Variants in CDIN1 observed in about 807,000 individuals in gnomAD.
CDIN1 encodes CDAN1-interacting nuclease 1.
A neutral mutation model predicts 45.3 loss-of-function variants in CDIN1; 33 were observed. The ratio of observed to expected loss-of-function variants is 0.73; its 90% confidence interval spans 0.55 to 0.97. The LOEUF (loss-of-function observed/expected upper bound fraction) is 0.97, where lower values mean the gene tolerates loss of function less well. Among genes scored for constraint, CDIN1 ranks in the 50% least tolerant of loss-of-function variants. CDIN1 has a pLI of 0.00. For missense variants in CDIN1, 303 were observed against 339.4 expected, an observed-to-expected ratio of 0.89 and a Z score of 0.84; for synonymous variants, 118 against 124.4, an observed-to-expected ratio of 0.95 and a Z score of 0.34.
intron 6 of CDIN1, 106 bp downstream of exon 6, chr15:36,691,870 G>A (rs528957506): frequency 1.1e-6 from 1 of 940,332 alleles, no homozygotes; most frequent in East Asian, 2.6e-5. Flanking sequence ...CTATCACTGA[G>A]GTCAGGGTGC....
At chr15:36,725,317 CT>C (rs34845224) in intron 10 of CDIN1, among the ~76,000 whole-genome samples, 6,458 of 139,870 alleles carry the variant, frequency 0.046, 446 homozygotes, top group African/African-American at 0.15. Context: ...TCTCTTGCCT[CT>C]TTTTTTTTTT....
chr15:36,780,491 T>C (rs781035071), intron 10 of CDIN1, among the ~76,000 whole-genome samples: 1 of 152,218 alleles, frequency 6.6e-6, no homozygotes, highest in Non-Finnish European at 1.5e-5. Context: ...CTTTATAGAC[T>C]ACCATATTTA....
intron 5 of CDIN1, among the ~76,000 whole-genome samples, chr15:36,658,960 T>C (rs1029444420): frequency 2.6e-5 from 4 of 152,234 alleles, no homozygotes; most frequent in African/African-American, 9.6e-5. Context: ...CCTGCAGTGA[T>C]GCTTCATGAG....
intron 10 of CDIN1, among the ~76,000 whole-genome samples, chr15:36,737,828 T>A (rs1305442546): frequency 6.6e-6 from 1 of 152,182 alleles, no homozygotes; most frequent in Non-Finnish European, 1.5e-5. Flanking sequence ...GTACATAGGG[T>A]GTCCTAGATT....
intron 10 of CDIN1, among the ~76,000 whole-genome samples, chr15:36,738,888 G>C (rs1356829136): frequency 6.6e-6 from 1 of 152,200 alleles, no homozygotes; most frequent in African/African-American, 2.4e-5. Flanking sequence ...AGTAATAAGA[G>C]CCTATTATGT....
Position 36,809,022 on chromosome 15 carries a change from A to G in CDIN1, c.*569A>G. The G allele has an allele frequency of 2.2e-6, 1 of 455,280 alleles. No individual in the cohort carries two copies. The highest frequency in any genetic ancestry group is 4.4e-6 in the Non-Finnish European group (1 of 226,386). 28.2% of individuals were successfully genotyped at this position (455,280 alleles called of 1,614,324 possible). A position where few individuals can be genotyped will look rare whatever the true frequency, so the allele number is the denominator to read the frequency against. On this transcript the variant is annotated 3_prime_UTR_variant, in exon 11 of 11. Transcript: ENST00000566621. ...CAGAGCTCCAGAAGACCTTGATGGC[A>G]GCCTGCCTATGCTGTGTGTTTGCTA...
chr15:36,728,949 CAGGCGTGA>C (rs1566935163), intron 10 of CDIN1, among the ~76,000 whole-genome samples: 2 of 152,180 alleles, frequency 1.3e-5, no homozygotes, highest in Non-Finnish European at 2.9e-5. Flanking sequence ...GCTCAGATAA[CAGGCGTGA>C]GCCACCACGC....
chr15:36,665,562 AGAG>A (rs1308882211), intron 5 of CDIN1, among the ~76,000 whole-genome samples: 2 of 152,340 alleles, frequency 1.3e-5, no homozygotes, highest in Non-Finnish European at 2.9e-5. Flanking sequence ...GGATAGAGAA[AGAG>A]GATGGTGAAA....
intron 3 of CDIN1, among the ~76,000 whole-genome samples, chr15:36,645,586 G>A (rs975768045): frequency 6.6e-6 from 1 of 150,650 alleles, no homozygotes; most frequent in Non-Finnish European, 1.5e-5. Flanking sequence ...TTGGCTACTT[G>A]AAACTTATTA....
chr15:36,608,985 A>T (rs536141852), intron 1 of CDIN1, among the ~76,000 whole-genome samples: 38 of 128,086 alleles, frequency 3.0e-4, no homozygotes, highest in African/African-American at 1.5e-3. Context: ...ATATAGATAG[A>T]TAGATAGATA....
At chr15:36,594,011 G>A (rs887167450) in intron 1 of CDIN1, among the ~76,000 whole-genome samples, 3 of 152,124 alleles carry the variant, frequency 2.0e-5, no homozygotes, top group Non-Finnish European at 4.4e-5. Context: ...TACTAATTAC[G>A]ATGTATTCTA....
At chr15:36,618,234 T>C (rs1023454118) in intron 1 of CDIN1, 1 of 675,678 alleles carries the variant, frequency 1.5e-6, no homozygotes. Flanking sequence ...GGTCATCCAG[T>C]GGTTCAGAAC....
At chr15:36,617,927 A>AATT in intron 1 of CDIN1, 1 of 762,440 alleles carries the variant, frequency 1.3e-6, no homozygotes, top group East Asian at 2.5e-5. Context: ...TTTTGCTAAG[A>AATT]ATTGTTACTA....
At chr15:36,769,725 CATTCTTTCCT>C (rs1409964256) in intron 10 of CDIN1, among the ~76,000 whole-genome samples, 2 of 152,050 alleles carry the variant, frequency 1.3e-5, no homozygotes, top group African/African-American at 4.8e-5. Context: ...AAGGTGACAC[CATTCTTTCCT>C]ATTCTTTCAT....
chr15:36,753,105 A>G (rs903979060), intron 10 of CDIN1, among the ~76,000 whole-genome samples: 1 of 152,198 alleles, frequency 6.6e-6, no homozygotes, highest in Non-Finnish European at 1.5e-5. Flanking sequence ...GCATGATTCA[A>G]TGTGATCACC....
intron 1 of CDIN1, among the ~76,000 whole-genome samples, chr15:36,584,264 T>C (rs1341507477): frequency 6.6e-6 from 1 of 152,122 alleles, no homozygotes; most frequent in African/African-American, 2.4e-5. Flanking sequence ...CGAGACCCTG[T>C]CTCTTCAAAA....
chr15:36,775,142 C>A (rs1004381702), intron 10 of CDIN1, among the ~76,000 whole-genome samples: 1 of 152,168 alleles, frequency 6.6e-6, no homozygotes, highest in Non-Finnish European at 1.5e-5. Context: ...CATGAAATAA[C>A]TTACCAAACT....
rs972333267 is a variant in CDIN1, at chr15:36,645,207, G to T, written c.148-16G>T. 41 of 1,530,364 alleles carry T rather than the reference G, an allele frequency of 2.7e-5. No individual in the cohort carries two copies. The African/African-American group carries it at 4.3e-4, about 16-fold the overall frequency. 94.8% of individuals were successfully genotyped at this position (1,530,364 alleles called of 1,614,324 possible). A position where few individuals can be genotyped will look rare whatever the true frequency, so the allele number is the denominator to read the frequency against. On this transcript the variant is annotated splice_polypyrimidine_tract_variant and intron_variant, in intron 2 of 10. Transcript: ENST00000566621. The stretch of plus-strand genomic sequence containing the variant: ...ATATCAAAGATTTTTTTGTGTTGTT[G>T]TTTTTTTTCTTTCAGAAACACATTA...
At chr15:36,680,241 C>G (rs1260424878) in intron 5 of CDIN1, among the ~76,000 whole-genome samples, 1 of 152,190 alleles carries the variant, frequency 6.6e-6, no homozygotes, top group Non-Finnish European at 1.5e-5. Context: ...CACTCCCCAT[C>G]CTGTCCGTAT....
Sources: allele counts gnomAD v4.1 joint callset (sites outside exome capture counted in the v4.1 genomes callset), GRCh38; gene constraint gnomAD v4.1.1; transcripts MANE v1.5; gene names NCBI Gene and HGNC (gene_info 2026-07-23, HGNC 2026-07-21).